The following ATF7IP variants were observed in gnomAD, a reference collection of about 807,000 sequenced individuals.
ATF7IP encodes activating transcription factor 7 interacting protein.
In ATF7IP, 23 loss-of-function variants were observed where a neutral mutation model predicts 106.4. The ratio of observed to expected loss-of-function variants is 0.22; its 90% CI spans 0.16 to 0.31. The LOEUF (loss-of-function observed/expected upper bound fraction) is 0.31. Ranked by LOEUF, ATF7IP falls within the 10% of genes least tolerant of loss-of-function variation. The pLI is 1.00. For missense variants in ATF7IP, 1,334 were observed against 1,524.3 expected, an observed-to-expected ratio of 0.88 and a Z score of 2.08; for synonymous variants, 542 against 539.0, an observed-to-expected ratio of 1.01 and a Z score of -0.08.
At position 14,424,243 on chromosome 12, in the gene ATF7IP, G is replaced by A; in HGVS notation, c.328G>A (p.Glu110Lys). 2 of 1,614,202 alleles carry A rather than the reference G, an allele frequency of 1.2e-6. No individual in the cohort carries two copies. The highest frequency in any genetic ancestry group is 1.7e-6 in the Non-Finnish European group (2 of 1,180,034). Reference sequence around the variant, plus strand: ...CAAGCAGGATGATGATTTAAATTGTGAACCTTTGTCTCCCCATAATATAAC... The same window carrying A: ...CAAGCAGGATGATGATTTAAATTGTAAACCTTTGTCTCCCCATAATATAAC... Reference protein sequence around the residue: ...KNKQDDDLNCEPLSPHNITPE... With the variant: ...KNKQDDDLNCKPLSPHNITPE... Residue 110 changes from glutamate to lysine, a missense_variant, in exon 2 of 15, where the codon GAA (glutamate) becomes AAA (lysine). By Grantham distance (56) the Glu-to-Lys change is moderately conservative. Transcript: ENST00000261168.
chr12:14,419,576 T>C (rs2136530905), intron 1 of ATF7IP, among the ~76,000 whole-genome samples: 1 of 152,212 alleles, frequency 6.6e-6, no homozygotes, highest in African/African-American at 2.4e-5. Flanking sequence ...TATTTTGTAG[T>C]TTTGGAATTA....
At chr12:14,423,537 T>A (rs1772518412) in intron 1 of ATF7IP, among the ~76,000 whole-genome samples, 1 of 150,886 alleles carries the variant, frequency 6.6e-6, no homozygotes, top group African/African-American at 2.4e-5. Context: ...ACTGTTGTTC[T>A]TACACTTTTA....
intron 6 of ATF7IP, among the ~76,000 whole-genome samples, chr12:14,454,209 G>A (rs1319827428): frequency 6.6e-6 from 1 of 152,014 alleles, no homozygotes; most frequent in Non-Finnish European, 1.5e-5. Flanking sequence ...GCTTTTGCTT[G>A]TACTCTTCCA....
At chr12:14,422,987 C>T (rs989554777) in intron 1 of ATF7IP, among the ~76,000 whole-genome samples, 4 of 152,146 alleles carry the variant, frequency 2.6e-5, no homozygotes, top group African/African-American at 9.7e-5. Context: ...TCCAAAGCAG[C>T]TGCACCTATT....
intron 6 of ATF7IP, among the ~76,000 whole-genome samples, chr12:14,453,117 C>G (rs1313219081): frequency 6.6e-6 from 1 of 152,090 alleles, no homozygotes; most frequent in Non-Finnish European, 1.5e-5. Flanking sequence ...AGTTGCTTTT[C>G]TCTTACTGCT....
chr12:14,453,261 C>T (rs1227670496), intron 6 of ATF7IP, among the ~76,000 whole-genome samples: 1 of 152,200 alleles, frequency 6.6e-6, no homozygotes, highest in East Asian at 1.9e-4. Flanking sequence ...CAGTTTCAGA[C>T]ATTTTCAGCA....
At chr12:14,404,974 T>C (rs146111147) in intron 1 of ATF7IP, among the ~76,000 whole-genome samples, 121 of 152,346 alleles carry the variant, frequency 7.9e-4, no homozygotes, top group African/African-American at 2.7e-3. Context: ...CTGTGCTTTC[T>C]TAAAATATAT....
At chr12:14,437,627 A>G (rs1008342475) in intron 4 of ATF7IP, among the ~76,000 whole-genome samples, 7 of 152,200 alleles carry the variant, frequency 4.6e-5, no homozygotes, top group African/African-American at 1.7e-4. Flanking sequence ...TTCTATTTTT[A>G]GTATGTATTA....
At chr12:14,493,698 G>GCCCT in intron 13 of ATF7IP, among the ~76,000 whole-genome samples, 1 of 152,190 alleles carries the variant, frequency 6.6e-6, no homozygotes, top group South Asian at 2.1e-4. Flanking sequence ...TCCAGTCAGT[G>GCCCT]CCCTCCCTTT....
intron 1 of ATF7IP, among the ~76,000 whole-genome samples, chr12:14,410,514 T>A (rs1306326544): frequency 6.6e-6 from 1 of 152,128 alleles, no homozygotes; most frequent in Non-Finnish European, 1.5e-5. Flanking sequence ...GCAAGAGTAG[T>A]GATGCTGGCA....
intron 9 of ATF7IP, among the ~76,000 whole-genome samples, chr12:14,464,295 A>G (rs1000035915): frequency 2.0e-5 from 3 of 152,244 alleles, no homozygotes; most frequent in Admixed American, 2.0e-4. Flanking sequence ...ACTGCACTCC[A>G]GCCTGGGCAA....
chr12:14,462,421 G>C (rs1048385501), intron 9 of ATF7IP, among the ~76,000 whole-genome samples: 1 of 151,848 alleles, frequency 6.6e-6, no homozygotes, highest in African/African-American at 2.4e-5. Flanking sequence ...TTTAGTGATG[G>C]ACATTGTTTT....
At chr12:14,441,906 T>C (rs1942731299) in intron 5 of ATF7IP, among the ~76,000 whole-genome samples, 1 of 152,206 alleles carries the variant, frequency 6.6e-6, no homozygotes, top group Non-Finnish European at 1.5e-5. Context: ...TGCCTTTTGA[T>C]GCACAAAACT....
chr12:14,392,679 G>A (rs1939625409), intron 1 of ATF7IP, among the ~76,000 whole-genome samples: 1 of 152,172 alleles, frequency 6.6e-6, no homozygotes, highest in South Asian at 2.1e-4. Context: ...ATGCTGTGGG[G>A]TAGGGTAGAA....
intron 1 of ATF7IP, among the ~76,000 whole-genome samples, chr12:14,417,454 G>A (rs1011573626): frequency 5.3e-5 from 8 of 151,966 alleles, no homozygotes; most frequent in Non-Finnish European, 1.5e-5. Context: ...TGGTAGATGG[G>A]TATGAAGATT....
intron 1 of ATF7IP, among the ~76,000 whole-genome samples, chr12:14,384,009 A>G (rs1014992835): frequency 7.2e-5 from 11 of 152,178 alleles, no homozygotes; most frequent in Non-Finnish European, 2.9e-5. Context: ...TGGAAAATAC[A>G]TAAGGACCTT....
chr12:14,430,419 C>T (rs914242774), intron 2 of ATF7IP, among the ~76,000 whole-genome samples: 2 of 152,144 alleles, frequency 1.3e-5, no homozygotes, highest in Non-Finnish European at 2.9e-5. Flanking sequence ...TACAATGGGA[C>T]TTTCCCCGCT....
In ATF7IP at chr12:14,434,387, G is replaced by A. The variant is rs746767096; in HGVS notation, c.1609G>A (p.Val537Ile). Residue 537 changes from valine (V) to isoleucine (I), a missense_variant, in exon 3 of 15, where the codon GTA (valine) becomes ATA (isoleucine). Physicochemically the swap from Val to Ile is conservative, Grantham distance 29. Transcript: ENST00000261168. ...CAACAAACCTGAGGAAGAAGAGCAAGTAATACATGAAGATGATGAAAGACC... is the reference window on the plus strand; with the variant it reads ...CAACAAACCTGAGGAAGAAGAGCAAATAATACATGAAGATGATGAAAGACC... ...KDNKPEEEEQ[V>I]IHEDDERPSE... The A allele has an allele frequency of 5.0e-6, 8 of 1,593,080 alleles. No homozygotes were observed. The highest frequency in any genetic ancestry group is 2.3e-5 in the East Asian group (1 of 44,226).
chr12:14,431,531 A>T (rs1942136438), intron 2 of ATF7IP, among the ~76,000 whole-genome samples: 1 of 151,730 alleles, frequency 6.6e-6, no homozygotes, highest in Non-Finnish European at 1.5e-5. Context: ...AGTAGCTGGG[A>T]CTACAGGCAT....
Sources: gnomAD v4.1 joint callset for allele counts (sites outside exome capture counted in the v4.1 genomes callset) on GRCh38, gnomAD v4.1.1 for gene constraint, MANE v1.5 for transcripts, NCBI Gene and HGNC (gene_info 2026-07-23, HGNC 2026-07-21) for gene names.